The following PATJ variants were observed in gnomAD, a reference collection of about 807,000 sequenced individuals.
PATJ encodes inaD-like protein.
A neutral mutation model predicts 224.9 loss-of-function variants in PATJ; 190 were observed. That is an observed-to-expected ratio of 0.84 (90% confidence interval 0.75 to 0.95). The LOEUF (loss-of-function observed/expected upper bound fraction) is 0.95, where lower values mean the gene tolerates loss of function less well. Ranked by LOEUF, PATJ falls within the 40% of genes least tolerant of loss-of-function variation. The pLI, the probability that PATJ is intolerant of heterozygous loss-of-function variation, is 0.00. For synonymous variants in PATJ, 769 were observed against 820.3 expected, an observed-to-expected ratio of 0.94 and a Z score of 1.07; for missense variants, 2,121 against 2,270.3, an observed-to-expected ratio of 0.93 and a Z score of 1.34.
intron 27 of PATJ, among the ~76,000 whole-genome samples, chr1:61,976,459 T>C (rs1644137873): frequency 1.3e-5 from 2 of 152,124 alleles, no homozygotes; most frequent in South Asian, 4.1e-4. Flanking sequence ...CAGGCTGGAG[T>C]GCAATGGCAC....
intron 1 of PATJ, among the ~76,000 whole-genome samples, chr1:61,743,348 A>T (rs1212084175): frequency 1.3e-5 from 2 of 151,998 alleles, no homozygotes; most frequent in African/African-American, 4.8e-5. Context: ...TTAAGTGAAC[A>T]CCCCTTCACT....
At chr1:62,100,234 GGT>G in intron 33 of PATJ, 1 of 585,652 alleles carries the variant, frequency 1.7e-6, no homozygotes, top group Non-Finnish European at 3.2e-6. Context: ...TCAGAAGCTT[GGT>G]GTCTTACTCC....
chr1:62,117,427 G>T, intron 37 of PATJ: 2 of 1,376,942 alleles, frequency 1.5e-6, no homozygotes, highest in South Asian at 1.7e-5. Flanking sequence ...TTTATTGCTT[G>T]CAAATGTTTT....
intron 41 of PATJ, among the ~76,000 whole-genome samples, chr1:62,142,960 G>A (rs1052925601): frequency 6.6e-6 from 1 of 152,170 alleles, no homozygotes; most frequent in African/African-American, 2.4e-5. Context: ...TTTTATATTT[G>A]AAAAGGTAAC....
At chr1:62,009,569 C>G (rs1112774) in intron 28 of PATJ, among the ~76,000 whole-genome samples, 10,364 of 151,162 alleles carry the variant, frequency 0.069, 1,003 homozygotes, top group African/African-American at 0.21. Context: ...GCTGTGACAA[C>G]TTCTTAAGAT....
chr1:62,035,079 G>C (rs1041202490), intron 29 of PATJ, among the ~76,000 whole-genome samples: 2 of 152,134 alleles, frequency 1.3e-5, no homozygotes, highest in African/African-American at 4.8e-5. Context: ...AAATTGAGTG[G>C]GAAAAGGAAT....
chr1:61,903,864 C>T lies in PATJ; in HGVS notation c.3381+2405C>T, dbSNP rs548647357. 1.2e-4 allele frequency among the ~76,000 whole-genome samples: 18 copies of T among 151,820 alleles called. 2 individuals are homozygous for T. The South Asian group carries it at 3.8e-3, about 32-fold the overall frequency. On this transcript the variant is annotated intron_variant, in intron 24 of 43. Transcript: ENST00000642238. ...CTCAGCTCACTGCAACCTCCACCTC[C>T]CAGGTTCAAGCAATTCTCCTGCCTC... is the stretch of plus-strand genomic sequence containing the variant.
chr1:61,871,483 G>GTACATATA (rs1666514769), intron 20 of PATJ, among the ~76,000 whole-genome samples: 1 of 100,070 alleles, frequency 1.0e-5, no homozygotes, highest in Admixed American at 1.2e-4. Context: ...ACATATATAT[G>GTACATATA]TGTATATATG....
chr1:61,757,209 C>T (rs1391956288), intron 1 of PATJ, among the ~76,000 whole-genome samples: 1 of 150,444 alleles, frequency 6.6e-6, no homozygotes, highest in Non-Finnish European at 1.5e-5. Flanking sequence ...GTAGATGGGA[C>T]ACAGGCGTGT....
chr1:62,003,183 T>C (rs7526836), intron 28 of PATJ, among the ~76,000 whole-genome samples: 27,854 of 152,206 alleles, frequency 0.18, 2,724 homozygotes, highest in Non-Finnish European at 0.21. Context: ...AAATTACCTA[T>C]AGTCACCTAC....
chr1:62,141,298 C>T (rs1214110418), intron 41 of PATJ, among the ~76,000 whole-genome samples: 1 of 152,160 alleles, frequency 6.6e-6, no homozygotes, highest in Admixed American at 6.5e-5. Context: ...CTTCAGGTTC[C>T]TCATCTGTAA....
At chr1:62,111,971 T>C (rs1316533582) in intron 34 of PATJ, among the ~76,000 whole-genome samples, 1 of 151,966 alleles carries the variant, frequency 6.6e-6, no homozygotes, top group Non-Finnish European at 1.5e-5. Flanking sequence ...AAAACCCATG[T>C]TCTTTACCAC....
intron 17 of PATJ, among the ~76,000 whole-genome samples, chr1:61,840,766 G>A (rs1231935876): frequency 6.6e-6 from 1 of 151,998 alleles, no homozygotes; most frequent in African/African-American, 2.4e-5. Context: ...GTAATAGGTA[G>A]GTGATAAATT....
intron 28 of PATJ, among the ~76,000 whole-genome samples, chr1:61,993,061 A>G (rs998324848): frequency 1.3e-4 from 20 of 152,144 alleles, no homozygotes; most frequent in Admixed American, 1.3e-4. Flanking sequence ...CCACAAGTTA[A>G]GGGCTCAGTC....
At chr1:62,073,942 G>A (rs1001367435) in intron 31 of PATJ, among the ~76,000 whole-genome samples, 1 of 152,062 alleles carries the variant, frequency 6.6e-6, no homozygotes, top group Non-Finnish European at 1.5e-5. Context: ...TTCTCTTAAA[G>A]AACTATAAAC....
intron 43 of PATJ, among the ~76,000 whole-genome samples, chr1:62,158,926 G>A (rs1669569840): frequency 6.6e-6 from 1 of 152,006 alleles, no homozygotes; most frequent in South Asian, 2.1e-4. Flanking sequence ...TCCAGCCTGG[G>A]CGACAAGAGT....
chr1:62,023,507 A>G (rs1484554697), intron 29 of PATJ, among the ~76,000 whole-genome samples: 1 of 152,224 alleles, frequency 6.6e-6, no homozygotes, highest in Non-Finnish European at 1.5e-5. Context: ...GAGACAGAGA[A>G]TAAACAATAG....
chr1:62,049,792 TCATTAGTTC>T (rs2148581179), intron 30 of PATJ, among the ~76,000 whole-genome samples: 1 of 152,286 alleles, frequency 6.6e-6, no homozygotes, highest in African/African-American at 2.4e-5. Context: ...CTCAGTGCAT[TCATTAGTTC>T]CATCAGTGTT....
chr1:61,848,701 G>A (rs887477881), intron 17 of PATJ, among the ~76,000 whole-genome samples: 3 of 151,934 alleles, frequency 2.0e-5, no homozygotes, highest in Admixed American at 6.6e-5. Context: ...CACTATGCCC[G>A]GCCAGCTGTC....
Sources: allele counts gnomAD v4.1 joint callset (sites outside exome capture counted in the v4.1 genomes callset), GRCh38; gene constraint gnomAD v4.1.1; transcripts MANE v1.5; gene names NCBI Gene and HGNC (gene_info 2026-07-23, HGNC 2026-07-21).